Variants in ZNF385B observed in about 807,000 individuals in gnomAD.
ZNF385B encodes zinc finger protein 533.
A neutral mutation model predicts 39.2 loss-of-function variants in ZNF385B; 23 were observed. The observed-to-expected ratio is 0.59, with a 90% CI of 0.42 to 0.83. ZNF385B has a LOEUF of 0.83. ZNF385B is among the 40% of genes least tolerant of loss of function. The probability of loss-of-function intolerance (pLI) is 0.00; values close to 1 mark genes in which losing one functional copy is unlikely to be tolerated. For missense variants in ZNF385B, 552 were observed against 598.9 expected (o/e 0.92, Z 0.82); for synonymous variants, 205 against 222.6 (o/e 0.92, Z 0.70).
intron 1 of ZNF385B, among the ~76,000 whole-genome samples, chr2:179,836,366 G>T (rs978328367): frequency 4.6e-5 from 7 of 152,112 alleles, no homozygotes; most frequent in Non-Finnish European, 8.8e-5. Context: ...AACCCTGCAG[G>T]TTAAACTCTG....
chr2:179,760,223 C>CGCGCGTGTGTGTGTGTGTGTGT (rs11282329), intron 3 of ZNF385B, among the ~76,000 whole-genome samples: 7 of 144,550 alleles, frequency 4.8e-5, no homozygotes, highest in African/African-American at 1.8e-4. Context: ...TTCCTGTGTG[C>CGCGCGTGTGTGTGTGTGTGTGT]GTGTGTGTGT....
chr2:179,859,857 AAAT>A (rs1684900503), intron 1 of ZNF385B, among the ~76,000 whole-genome samples: 1 of 152,220 alleles, frequency 6.6e-6, no homozygotes, highest in Non-Finnish European at 1.5e-5. Flanking sequence ...CATGGCATCA[AAAT>A]AAGATTAAAG....
chr2:179,481,799 C>T (rs548376454), intron 6 of ZNF385B, among the ~76,000 whole-genome samples: 1 of 152,284 alleles, frequency 6.6e-6, no homozygotes, highest in South Asian at 2.1e-4. Flanking sequence ...GGCAAGAAGT[C>T]AGCAGGCTCC....
intron 5 of ZNF385B, among the ~76,000 whole-genome samples, chr2:179,502,454 C>G (rs1240192056): frequency 2.0e-5 from 3 of 152,050 alleles, no homozygotes; most frequent in Admixed American, 2.0e-4. Flanking sequence ...TGGGGGCGGA[C>G]TTCTCCTTTG....
intron 3 of ZNF385B, among the ~76,000 whole-genome samples, chr2:179,670,062 C>T (rs1695711464): frequency 2.0e-5 from 3 of 151,982 alleles, no homozygotes; most frequent in Admixed American, 6.6e-5. Flanking sequence ...GAGGCCGAGG[C>T]GGGCGGATCA....
chr2:179,734,975 G>C (rs1345313284), intron 3 of ZNF385B, among the ~76,000 whole-genome samples: 1 of 151,700 alleles, frequency 6.6e-6, no homozygotes, highest in Non-Finnish European at 1.5e-5. Flanking sequence ...GCATGGGCAA[G>C]GACTTCATGT....
At chr2:179,805,424 G>C (rs1706289316) in intron 1 of ZNF385B, among the ~76,000 whole-genome samples, 1 of 152,212 alleles carries the variant, frequency 6.6e-6, no homozygotes, top group Admixed American at 6.5e-5. Context: ...GTTATAGCAA[G>C]ATGAAACCAA....
At chr2:179,637,294 C>T (rs998777673) in intron 3 of ZNF385B, 3 of 152,170 alleles carry the variant, frequency 2.0e-5, no homozygotes, top group East Asian at 3.9e-4. Flanking sequence ...CACAGATAGC[C>T]TGCCCTAGGA....
chr2:179,645,404 C>T (rs1019102430), intron 3 of ZNF385B, among the ~76,000 whole-genome samples: 1 of 152,130 alleles, frequency 6.6e-6, no homozygotes, highest in Non-Finnish European at 1.5e-5. Context: ...GGAAAAACAT[C>T]CACACATCAC....
chr2:179,462,193 C>T (rs1040730844), intron 6 of ZNF385B, among the ~76,000 whole-genome samples: 3 of 152,172 alleles, frequency 2.0e-5, no homozygotes, highest in African/African-American at 7.2e-5. Flanking sequence ...AAAAACAAAG[C>T]AATGCCCATA....
chr2:179,732,336 G>A (rs1237997813), intron 3 of ZNF385B, among the ~76,000 whole-genome samples: 4 of 152,162 alleles, frequency 2.6e-5, no homozygotes, highest in African/African-American at 9.7e-5. Flanking sequence ...CCTTAATCCT[G>A]TGTAGGAAAT....
intron 3 of ZNF385B, among the ~76,000 whole-genome samples, chr2:179,702,870 GCT>G (rs1462713445): frequency 6.6e-6 from 1 of 152,078 alleles, no homozygotes; most frequent in Non-Finnish European, 1.5e-5. Flanking sequence ...CTGTGATTCT[GCT>G]CTTTCTCCCG....
chr2:179,551,937 C>T lies in ZNF385B; in HGVS notation c.299-6968G>A, dbSNP rs931920209. On this transcript the variant is annotated intron_variant, in intron 3 of 9. Coordinates refer to ENST00000410066, the MANE Select transcript of ZNF385B (RefSeq NM_152520.6). ...CCATGTATTCATATGAATATGAATTCCCATTAGAATGTAATTAAATTTCTT... is the reference window on the plus strand; with the variant it reads ...CCATGTATTCATATGAATATGAATTTCCATTAGAATGTAATTAAATTTCTT... 3.8e-5 allele frequency among the ~76,000 whole-genome samples: 5 copies of T among 132,234 alleles called. 1 individual carries two copies. The highest frequency in any genetic ancestry group is 1.3e-4 in the African/African-American group (4 of 30,994). 86.8% of individuals were successfully genotyped at this position (132,234 alleles called of 152,430 possible).
chr2:179,843,823 A>G (rs915771455), intron 1 of ZNF385B, among the ~76,000 whole-genome samples: 1 of 152,248 alleles, frequency 6.6e-6, no homozygotes, highest in Non-Finnish European at 1.5e-5. Context: ...CTGAGTAAAG[A>G]ACAATAAAGT....
At chr2:179,811,263 A>G (rs1039264975) in intron 1 of ZNF385B, among the ~76,000 whole-genome samples, 7 of 152,180 alleles carry the variant, frequency 4.6e-5, no homozygotes, top group African/African-American at 1.7e-4. Flanking sequence ...CATTAATTCT[A>G]TCCCACTACC....
At chr2:179,858,894 AATG>A (rs1684811089) in intron 1 of ZNF385B, among the ~76,000 whole-genome samples, 1 of 152,214 alleles carries the variant, frequency 6.6e-6, no homozygotes. Context: ...AAAATCAAGC[AATG>A]ATATCTTCAA....
rs182848033 is a variant in ZNF385B at position 179,454,021 on chromosome 2, C to T, written c.716-7251G>A. On this transcript the variant is annotated intron_variant, in intron 6 of 9. Coordinates refer to ENST00000410066, the MANE Select transcript of ZNF385B (RefSeq NM_152520.6). ...CGCAAGAATCAGAAAGCATGGAACA[C>T]GGAAGAAAGAGCAGACCATGCCCCT... Among the ~76,000 whole-genome samples the T allele has an allele frequency of 2.8e-3, 422 of 152,232 alleles. 5 individuals carry two copies. The highest frequency in any genetic ancestry group is 9.3e-3 in the African/African-American group (386 of 41,536).
chr2:179,626,782 A>G (rs1232385502), intron 3 of ZNF385B, among the ~76,000 whole-genome samples: 1 of 152,204 alleles, frequency 6.6e-6, no homozygotes, highest in Non-Finnish European at 1.5e-5. Flanking sequence ...ACCCTCTTTC[A>G]TGAACTGAGA....
chr2:179,850,838 C>G (rs1392840832), intron 1 of ZNF385B, among the ~76,000 whole-genome samples: 1 of 152,114 alleles, frequency 6.6e-6, no homozygotes, highest in Non-Finnish European at 1.5e-5. Context: ...TATGACCTTT[C>G]CAATTAAACA....
Sources: allele counts gnomAD v4.1 joint callset (sites outside exome capture counted in the v4.1 genomes callset), GRCh38; gene constraint gnomAD v4.1.1; transcripts MANE v1.5; gene names NCBI Gene and HGNC (gene_info 2026-07-23, HGNC 2026-07-21).